Variants in KCNH1 observed in about 807,000 individuals in gnomAD.
KCNH1 encodes the protein voltage-gated delayed rectifier potassium channel KCNH1.
Under a neutral mutation model 69.2 loss-of-function variants are expected in KCNH1, and 27 were observed. That is an observed-to-expected ratio of 0.39 (90% CI 0.29 to 0.54). The LOEUF (loss-of-function observed/expected upper bound fraction) is 0.54. Ranked by LOEUF, KCNH1 falls within the 20% of genes least tolerant of loss-of-function variation. KCNH1 has a pLI of 0.68. For synonymous variants in KCNH1, 456 were observed against 487.7 expected (o/e 0.93, Z 0.86); for missense variants, 798 against 1,261.6 (o/e 0.63, Z 5.57).
intron 9 of KCNH1, among the ~76,000 whole-genome samples, chr1:210,780,178 T>C (rs1049863640): frequency 6.6e-6 from 1 of 152,146 alleles, no homozygotes; most frequent in South Asian, 2.1e-4. Flanking sequence ...AATTCTGATC[T>C]GAACCCTACA....
intron 1 of KCNH1, among the ~76,000 whole-genome samples, chr1:211,129,672 G>C (rs1161810421): frequency 6.6e-6 from 1 of 152,120 alleles, no homozygotes; most frequent in African/African-American, 2.4e-5. Context: ...CCCTTGTAGA[G>C]GCACAATGGA....
rs533641541 is a variant in KCNH1 at position 210,881,342 on chromosome 1, GC to G, written c.1462+38297del. 2.7e-3 allele frequency among the ~76,000 whole-genome samples: 411 copies of G among 152,228 alleles called. 2 individuals are homozygous for G. The highest frequency in any genetic ancestry group is 9.3e-3 in the African/African-American group (388 of 41,528). The stretch of plus-strand genomic sequence containing the variant: ...ACATCTTTACACACATATTAGAATG[GC>G]CCAAATCCAGAATACTAACTACATC... On this transcript the variant is annotated intron_variant, in intron 7 of 10. Transcript: ENST00000271751.
intron 6 of KCNH1, among the ~76,000 whole-genome samples, chr1:210,971,348 T>C (rs1044782959): frequency 2.0e-5 from 3 of 152,158 alleles, no homozygotes; most frequent in African/African-American, 7.2e-5. Context: ...ATTTAGAGCA[T>C]TGTGTAGTTG....
At chr1:210,926,264 A>AACACACAC (rs141650911) in intron 6 of KCNH1, among the ~76,000 whole-genome samples, 5 of 148,836 alleles carry the variant, frequency 3.4e-5, no homozygotes, top group African/African-American at 7.4e-5. Context: ...ACTCCATCTA[A>AACACACAC]ACACACACAC....
intron 10 of KCNH1, among the ~76,000 whole-genome samples, chr1:210,745,391 T>A (rs1473463572): frequency 6.6e-6 from 1 of 152,164 alleles, no homozygotes; most frequent in Non-Finnish European, 1.5e-5. Context: ...TTCTGCTCCA[T>A]TTTTTAACCT....
chr1:210,991,588 G>T (rs1688936529), intron 6 of KCNH1, among the ~76,000 whole-genome samples: 3 of 138,606 alleles, frequency 2.2e-5, no homozygotes, highest in Non-Finnish European at 4.6e-5. Flanking sequence ...ATTGCCAGAA[G>T]GTTTTCTGTT....
intron 5 of KCNH1, among the ~76,000 whole-genome samples, chr1:211,054,562 T>C (rs376507217): frequency 6.6e-6 from 1 of 152,122 alleles, no homozygotes; most frequent in Non-Finnish European, 1.5e-5. Flanking sequence ...AGCTATGGAA[T>C]AGAAAAATAA....
intron 7 of KCNH1, among the ~76,000 whole-genome samples, chr1:210,917,791 G>C (rs936753450): frequency 1.3e-5 from 2 of 152,200 alleles, no homozygotes; most frequent in African/African-American, 4.8e-5. Context: ...CAAAAATGCT[G>C]TAAGTAAGCA....
chr1:210,717,911 G>A (rs1161492019), intron 10 of KCNH1, among the ~76,000 whole-genome samples: 2 of 152,032 alleles, frequency 1.3e-5, no homozygotes. Flanking sequence ...CTTGAGACCA[G>A]GCCTGGCCAA....
intron 9 of KCNH1, among the ~76,000 whole-genome samples, chr1:210,776,288 T>C (rs1416740575): frequency 6.6e-6 from 1 of 152,134 alleles, no homozygotes; most frequent in Non-Finnish European, 1.5e-5. Flanking sequence ...CTAAATGTCC[T>C]CCTGGTGGTA....
At chr1:210,989,124 T>C (rs1688896334) in intron 6 of KCNH1, among the ~76,000 whole-genome samples, 1 of 152,204 alleles carries the variant, frequency 6.6e-6, no homozygotes, top group Non-Finnish European at 1.5e-5. Context: ...AGTACCTCCA[T>C]GTTCATGGGC....
intron 5 of KCNH1, among the ~76,000 whole-genome samples, chr1:211,069,755 AAC>A (rs1487932052): frequency 7.7e-6 from 1 of 129,606 alleles, no homozygotes; most frequent in Non-Finnish European, 1.7e-5. Context: ...CAGTATACAC[AAC>A]AGTTAGTTAT....
chr1:210,843,886 C>T (rs949269365), intron 7 of KCNH1, among the ~76,000 whole-genome samples: 4 of 152,116 alleles, frequency 2.6e-5, no homozygotes, highest in Admixed American at 6.6e-5. Flanking sequence ...CAGTCAGCTG[C>T]CTTGTCCAGG....
At chr1:211,101,305 C>CA (rs921069390) in intron 3 of KCNH1, among the ~76,000 whole-genome samples, 90 of 139,354 alleles carry the variant, frequency 6.5e-4, no homozygotes, top group Non-Finnish European at 1.2e-3. Context: ...ATTGGAAAGA[C>CA]AAAAAAACCA....
chr1:210,932,604 C>T (rs1308505852), intron 6 of KCNH1, among the ~76,000 whole-genome samples: 2 of 151,870 alleles, frequency 1.3e-5, no homozygotes, highest in Non-Finnish European at 2.9e-5. Context: ...CTACATGCTA[C>T]CTAAAAGAAA....
chr1:210,956,079 C>T (rs549366617), intron 6 of KCNH1, among the ~76,000 whole-genome samples: 8 of 152,268 alleles, frequency 5.3e-5, no homozygotes, highest in Non-Finnish European at 1.0e-4. Context: ...TACGTCCCAT[C>T]AGTACCTAGT....
At chr1:210,700,759 T>TAAAAGTAGGTG (rs1246595739) in intron 10 of KCNH1, among the ~76,000 whole-genome samples, 1 of 152,180 alleles carries the variant, frequency 6.6e-6, no homozygotes, top group Admixed American at 6.5e-5. Flanking sequence ...CAATGGAACT[T>TAAAAGTAGGTG]AAAAGTAGGT....
intron 5 of KCNH1, among the ~76,000 whole-genome samples, chr1:211,055,085 A>C (rs1690279756): frequency 1.3e-5 from 2 of 152,106 alleles, no homozygotes; most frequent in African/African-American, 4.8e-5. Flanking sequence ...CAAAAAAAGC[A>C]CCTACGTAAG....
At chr1:210,719,468 TCTCA>T (rs1382413095) in intron 10 of KCNH1, among the ~76,000 whole-genome samples, 1 of 152,176 alleles carries the variant, frequency 6.6e-6, no homozygotes. Context: ...CACCACATGT[TCTCA>T]CTCATAAGTG....
Sources: gnomAD v4.1 joint callset for allele counts (sites outside exome capture counted in the v4.1 genomes callset) on GRCh38, gnomAD v4.1.1 for gene constraint, MANE v1.5 for transcripts, NCBI Gene and HGNC (gene_info 2026-07-23, HGNC 2026-07-21) for gene names.